USH2A: variants seen among roughly 807,000 people sequenced by gnomAD.
USH2A encodes usherin.
USH2A carries 443 observed loss-of-function variants against 538.9 expected under a neutral mutation model. The observed-to-expected ratio is 0.82, with a 90% CI of 0.76 to 0.89. The LOEUF is 0.89. USH2A is among the 40% of genes least tolerant of loss of function. USH2A has a pLI of 0.00. For missense variants in USH2A, 6,633 were observed against 6,324.8 expected, an observed-to-expected ratio of 1.05 and a Z score of -1.65; for synonymous variants, 2,413 against 2,273.5, an observed-to-expected ratio of 1.06 and a Z score of -1.75.
At chr1:216,264,087 A>G (rs927832785) in intron 11 of USH2A, among the ~76,000 whole-genome samples, 1 of 152,178 alleles carries the variant, frequency 6.6e-6, no homozygotes, top group Non-Finnish European at 1.5e-5. Context: ...TATAAAACTT[A>G]TAATAGAAAT....
intron 47 of USH2A, among the ~76,000 whole-genome samples, chr1:215,828,643 CT>C (rs1663223259): frequency 6.6e-6 from 1 of 151,954 alleles, no homozygotes; most frequent in African/African-American, 2.4e-5. Flanking sequence ...GACTTTATAC[CT>C]CACACTCCTT....
chr1:216,184,812 T>A (rs143597504), intron 20 of USH2A, among the ~76,000 whole-genome samples: 87 of 152,098 alleles, frequency 5.7e-4, no homozygotes, highest in African/African-American at 2.0e-3. Flanking sequence ...CAAAACAATG[T>A]GTGTTTTCAA....
At chr1:216,015,356 T>G (rs10779662) in intron 32 of USH2A, among the ~76,000 whole-genome samples, 70,249 of 152,050 alleles carry the variant, frequency 0.46, 16,739 homozygotes, top group East Asian at 0.7. Context: ...GTGTAGCCCT[T>G]GCTCCACAAT....
At chr1:215,657,994 C>G (rs1013610739) in intron 64 of USH2A, among the ~76,000 whole-genome samples, 1 of 145,762 alleles carries the variant, frequency 6.9e-6, no homozygotes, top group African/African-American at 2.6e-5. Context: ...AGTGCAGTGG[C>G]GTGATCTCGG....
At chr1:215,910,265 A>G (rs910436752) in intron 38 of USH2A, among the ~76,000 whole-genome samples, 4 of 151,970 alleles carry the variant, frequency 2.6e-5, no homozygotes, top group African/African-American at 9.7e-5. Context: ...TAACTTAATT[A>G]GCTGATTAGC....
At chr1:215,846,066 T>C (rs1479273540) in intron 44 of USH2A, 33 bp from the exon 45 acceptor site, 1 of 1,603,428 alleles carries the variant, frequency 6.2e-7, no homozygotes, top group Non-Finnish European at 8.5e-7. Context: ...ATGGTGAATG[T>C]AGCTGAGGCT....
At chr1:216,238,821 G>A (rs1229667143) in intron 13 of USH2A, among the ~76,000 whole-genome samples, 3 of 152,072 alleles carry the variant, frequency 2.0e-5, no homozygotes, top group African/African-American at 7.2e-5. Flanking sequence ...AGATGAAAGG[G>A]AGGCAGAAGT....
At chr1:215,816,690 A>G (rs1179227111) in intron 48 of USH2A, among the ~76,000 whole-genome samples, 1 of 152,094 alleles carries the variant, frequency 6.6e-6, no homozygotes, top group East Asian at 1.9e-4. Flanking sequence ...CATATAAACA[A>G]ACACCTATTT....
At chr1:215,920,822 C>T (rs151128751) in intron 38 of USH2A, among the ~76,000 whole-genome samples, 1 of 152,028 alleles carries the variant, frequency 6.6e-6, no homozygotes, top group Non-Finnish European at 1.5e-5. Context: ...ATCATGCCCT[C>T]AACTTCAGAT....
chr1:215,680,062 T>G, intron 62 of USH2A, 87 bp downstream of exon 62: 1 of 1,380,046 alleles, frequency 7.2e-7, no homozygotes, highest in Non-Finnish European at 1.0e-6. Context: ...GAAGGGAGTT[T>G]TCCCACAGTG....
rs397518048 is a variant in USH2A at position 215,817,143 on chromosome 1, C to G, written c.9424G>C (p.Gly3142Arg). ...CATGTTTTCCATAGGAGATCATATC[C>G]AAGAATGATGCCATTTGGCTTCCGT... Reference protein sequence around the residue: ...SPRKPNGIILGYDLLWKTWYP... With the variant: ...SPRKPNGIILRYDLLWKTWYP... The change falls in exon 48 of 72, where the codon GGA becomes CGA. Residue 3142 changes from glycine (G) to arginine (R), a missense_variant. By Grantham distance (125) the Gly-to-Arg change is moderately radical (BLOSUM62 -2). Transcript: ENST00000307340. The G allele has an allele frequency of 3.1e-6, 5 of 1,612,630 alleles. No homozygotes were observed. The highest frequency in any genetic ancestry group is 3.4e-6 in the Non-Finnish European group (4 of 1,179,058).
intron 62 of USH2A, 33 bp downstream of exon 62, chr1:215,680,116 C>A: frequency 6.2e-7 from 1 of 1,607,206 alleles, no homozygotes; most frequent in Non-Finnish European, 8.5e-7. Flanking sequence ...TGGAGAACAC[C>A]AAACATAATT....
rs548195365 is a variant in USH2A at position 215,987,052 on chromosome 1, A to T, written c.6805+5968T>A. ...TATTCTATATTTTTAGTTAGTATTT[A>T]AAAAAAACACATATTCTAATTAGTT... On this transcript the variant is annotated intron_variant, in intron 35 of 71. Transcript: ENST00000307340. 4.7e-5 allele frequency among the ~76,000 whole-genome samples: 7 copies of T among 149,294 alleles called. No individual in the cohort carries two copies. The East Asian group carries it at 5.8e-4, about 12-fold the overall frequency.
At chr1:216,306,894 C>G (rs1360420700) in intron 9 of USH2A, among the ~76,000 whole-genome samples, 1 of 152,176 alleles carries the variant, frequency 6.6e-6, no homozygotes, top group East Asian at 1.9e-4. Flanking sequence ...GTCTTCAGGT[C>G]TCTTAGCCCT....
chr1:215,751,445 C>T (rs1265867207), intron 58 of USH2A, among the ~76,000 whole-genome samples: 4 of 152,016 alleles, frequency 2.6e-5, no homozygotes, highest in African/African-American at 9.7e-5. Context: ...TTAATTAGAA[C>T]ATGATTAAGG....
At chr1:215,799,172 T>G in intron 49 of USH2A, 47 bp from the exon 50 acceptor site, 1 of 1,542,146 alleles carries the variant, frequency 6.5e-7, no homozygotes. Flanking sequence ...TAAAAAAATA[T>G]GCTATGACTA....
chr1:216,171,213 A>G (rs2034270418), intron 21 of USH2A, among the ~76,000 whole-genome samples: 1 of 151,986 alleles, frequency 6.6e-6, no homozygotes. Context: ...CACAGATGCC[A>G]TGATTACAGC....
intron 9 of USH2A, among the ~76,000 whole-genome samples, chr1:216,296,784 A>T (rs2037115134): frequency 6.6e-6 from 1 of 152,058 alleles, no homozygotes. Flanking sequence ...TAGCCAAAAA[A>T]ATTTAAAGTG....
At chr1:216,129,200 G>T (rs2033319097) in intron 21 of USH2A, among the ~76,000 whole-genome samples, 1 of 152,070 alleles carries the variant, frequency 6.6e-6, no homozygotes, top group Non-Finnish European at 1.5e-5. Flanking sequence ...TATGACTAGT[G>T]TTGAAATAAA....
Sources: gnomAD v4.1 joint callset for allele counts (sites outside exome capture counted in the v4.1 genomes callset) on GRCh38, gnomAD v4.1.1 for gene constraint, MANE v1.5 for transcripts, NCBI Gene and HGNC (gene_info 2026-07-23, HGNC 2026-07-21) for gene names.